The following DPYSL3 variants were observed in gnomAD, a reference collection of about 807,000 sequenced individuals.
DPYSL3 encodes the protein dihydropyrimidinase-related protein 3.
DPYSL3 carries 16 observed loss-of-function variants against 66.1 expected under a neutral mutation model. That is an observed-to-expected ratio of 0.24 (90% CI 0.16 to 0.37). DPYSL3 has a LOEUF of 0.37. Ranked by LOEUF, DPYSL3 falls within the 10% of genes least tolerant of loss-of-function variation. DPYSL3 has a pLI of 1.00. For synonymous variants in DPYSL3, 338 were observed against 345.1 expected, an observed-to-expected ratio of 0.98 and a Z score of 0.23; for missense variants, 738 against 916.2, an observed-to-expected ratio of 0.81 and a Z score of 2.51.
chr5:147,457,801 GT>G (rs1752875181), intron 1 of DPYSL3, among the ~76,000 whole-genome samples: 1 of 152,178 alleles, frequency 6.6e-6, no homozygotes, highest in Non-Finnish European at 1.5e-5. Flanking sequence ...GACATTTATT[GT>G]TTGAGTGGAG....
At position 147,394,099 on chromosome 5, in the gene DPYSL3, C is replaced by T. The variant is rs773944258; in HGVS notation, c.1991G>A (p.Arg664His). 4 of 1,613,988 alleles carry T rather than the reference C, an allele frequency of 2.5e-6. No individual in the cohort carries two copies. Among genetic ancestry groups the T allele is most frequent in the South Asian group, 1.1e-5 (1 of 91,072 alleles). ...LSGTQVDEGV[R>H]SASKRIVAPP... ...CGCCACGATGCGCTTGCTGGCTGAG[C>T]GAACCCCCTCATCCACTTGGGTGCC... The change falls in exon 14 of 14, where the codon CGC (arginine) becomes CAC (histidine). Residue 664 changes from arginine to histidine, a missense_variant. Arg to His is a conservative substitution (Grantham distance 29). Transcript: ENST00000343218.
chr5:147,406,317 C>G (rs982366991), intron 7 of DPYSL3: 2 of 152,204 alleles, frequency 1.3e-5, no homozygotes, highest in Admixed American at 1.3e-4. Flanking sequence ...TGCTAACCAA[C>G]CCAGTGGCAT....
At chr5:147,417,948 T>C (rs1275869078) in intron 3 of DPYSL3, among the ~76,000 whole-genome samples, 3 of 152,114 alleles carry the variant, frequency 2.0e-5, no homozygotes, top group Non-Finnish European at 4.4e-5. Flanking sequence ...CTCAGCGATT[T>C]TGAAAACCTC....
chr5:147,492,816 T>C (rs1241094883), intron 1 of DPYSL3, among the ~76,000 whole-genome samples: 1 of 152,174 alleles, frequency 6.6e-6, no homozygotes, highest in Non-Finnish European at 1.5e-5. Flanking sequence ...AAATACGGTA[T>C]ATATCCATCT....
At chr5:147,503,709 T>G (rs1049788478) in intron 1 of DPYSL3, among the ~76,000 whole-genome samples, 3 of 152,190 alleles carry the variant, frequency 2.0e-5, no homozygotes, top group African/African-American at 7.2e-5. Context: ...CGTTTAAAGA[T>G]GCACAATCAA....
Position 147,400,787 on chromosome 5 carries a change from C to T in DPYSL3, c.1357G>A (p.Ala453Thr). The change falls in exon 10 of 14, where the codon GCC becomes ACC. Residue 453 changes from alanine (A) to threonine (T), a missense_variant. Physicochemically the swap from Ala to Thr is moderately conservative, Grantham distance 58 (BLOSUM62 0). Transcript: ENST00000343218. Reference sequence around the variant, plus strand: ...TTGTCCTTCCCAATTGCTTTCTGGGCAGTGCTGAAGGTGCAGTGGGCACTC... The same window carrying T: ...TTGTCCTTCCCAATTGCTTTCTGGGTAGTGCTGAAGGTGCAGTGGGCACTC... ...SGSAHCTFST[A>T]QKAIGKDNFT... 6.2e-7 allele frequency: 1 copy of T among 1,614,202 alleles called. No individual in the cohort carries two copies. The highest frequency in any genetic ancestry group is 8.5e-7 in the Non-Finnish European group (1 of 1,180,028).
chr5:147,490,897 A>C (rs926523992), intron 1 of DPYSL3, among the ~76,000 whole-genome samples: 11 of 152,222 alleles, frequency 7.2e-5, no homozygotes, highest in Admixed American at 4.6e-4. Context: ...CGGCAGGAGC[A>C]TGTGAATTTT....
In DPYSL3 at chr5:147,471,397, G is replaced by A. The variant is rs183150790; in HGVS notation, c.381+38081C>T. On this transcript the variant is annotated intron_variant, in intron 1 of 13. Coordinates refer to ENST00000343218, the MANE Select transcript of DPYSL3 (RefSeq NM_001197294.2). ...GTCTTTGACCCTCTGAGGCTATATT[G>A]TGATTCTCTCTAATCCTCTATTTAC... 7.7e-4 allele frequency among the ~76,000 whole-genome samples: 117 copies of A among 152,276 alleles called. 1 individual carries two copies. Among genetic ancestry groups the A allele is most frequent in the African/African-American group, 2.7e-3 (114 of 41,562 alleles).
intron 1 of DPYSL3, among the ~76,000 whole-genome samples, chr5:147,434,986 G>C (rs1271115019): frequency 6.6e-6 from 1 of 152,114 alleles, no homozygotes; most frequent in Non-Finnish European, 1.5e-5. Flanking sequence ...TAATAAGAGA[G>C]GAAACTTGGG....
intron 1 of DPYSL3, among the ~76,000 whole-genome samples, chr5:147,453,055 C>T (rs1456994054): frequency 6.6e-6 from 1 of 152,132 alleles, no homozygotes; most frequent in Non-Finnish European, 1.5e-5. Context: ...AGACACCCTG[C>T]CACCCTCGCG....
chr5:147,424,728 T>G (rs768457863), intron 2 of DPYSL3, 147 bp downstream of exon 2: 12 of 578,702 alleles, frequency 2.1e-5, no homozygotes, highest in Non-Finnish European at 3.3e-5. Context: ...CAATACTTTC[T>G]GCCCAAATTT....
chr5:147,496,937 A>T (rs1217669645), intron 1 of DPYSL3, among the ~76,000 whole-genome samples: 1 of 152,206 alleles, frequency 6.6e-6, no homozygotes, highest in Non-Finnish European at 1.5e-5. Flanking sequence ...GCTGCCATAA[A>T]GACACATGCA....
intron 1 of DPYSL3, among the ~76,000 whole-genome samples, chr5:147,485,316 C>G (rs1464613253): frequency 1.3e-5 from 2 of 152,136 alleles, no homozygotes; most frequent in African/African-American, 4.8e-5. Flanking sequence ...ATGCAGTTTA[C>G]TTAATCTCTC....
chr5:147,444,310 T>C (rs568295894), intron 1 of DPYSL3, among the ~76,000 whole-genome samples: 128 of 152,122 alleles, frequency 8.4e-4, no homozygotes, highest in Non-Finnish European at 1.5e-3. Flanking sequence ...AAAGACCTGG[T>C]GAAAAATCTA....
intron 1 of DPYSL3, among the ~76,000 whole-genome samples, chr5:147,505,729 A>G (rs557396254): frequency 1.3e-5 from 2 of 152,332 alleles, no homozygotes; most frequent in Non-Finnish European, 2.9e-5. Context: ...AGGATTTTGC[A>G]GCAACTGTTC....
At chr5:147,411,143 C>G (rs986051647) in intron 6 of DPYSL3, among the ~76,000 whole-genome samples, 2 of 152,200 alleles carry the variant, frequency 1.3e-5, no homozygotes, top group Non-Finnish European at 2.9e-5. Flanking sequence ...TCTAATATCA[C>G]TGGGTTGCCT....
intron 1 of DPYSL3, among the ~76,000 whole-genome samples, chr5:147,452,438 TAC>T (rs35272843): frequency 0.047 from 6,660 of 140,610 alleles, 169 homozygotes; most frequent in East Asian, 0.13. Flanking sequence ...ATTCCCCCAC[TAC>T]ACACACACAC....
intron 1 of DPYSL3, among the ~76,000 whole-genome samples, chr5:147,477,644 G>A (rs1200829981): frequency 3.3e-5 from 4 of 119,966 alleles, no homozygotes; most frequent in Admixed American, 1.1e-4. Context: ...CTGCAGTGGC[G>A]CAATCTCGGC....
At position 147,495,930 on chromosome 5, in the gene DPYSL3, C is replaced by T. The variant is rs563808804; in HGVS notation, c.381+13548G>A. ...GTTCATATGGAACCAAAAAAGAGCC[C>T]GCATTGCCAAGTCAATCCGAAGACA... On this transcript the variant is annotated intron_variant, in intron 1 of 13. Transcript: ENST00000343218. Among the ~76,000 whole-genome samples, 296 of 152,188 alleles carry T rather than the reference C, an allele frequency of 1.9e-3. 2 individuals carry two copies. Among genetic ancestry groups the T allele is most frequent in the Non-Finnish European group, 2.8e-3 (190 of 68,018 alleles).
Sources: gnomAD v4.1 joint callset for allele counts (sites outside exome capture counted in the v4.1 genomes callset) on GRCh38, gnomAD v4.1.1 for gene constraint, MANE v1.5 for transcripts, NCBI Gene and HGNC (gene_info 2026-07-23, HGNC 2026-07-21) for gene names.